Variants in PTPA observed in about 807,000 individuals in gnomAD.
The protein encoded by PTPA is serine/threonine-protein phosphatase 2A activator.
Under a neutral mutation model 43.6 loss-of-function variants are expected in PTPA, and 13 were observed. The observed-to-expected ratio is 0.30, with a 90% CI of 0.19 to 0.47. The LOEUF (loss-of-function observed/expected upper bound fraction) is 0.47. PTPA is among the 20% of genes least tolerant of loss of function. PTPA has a pLI of 0.99. For missense variants in PTPA, 329 were observed against 411.9 expected (o/e 0.80, Z 1.74); for synonymous variants, 172 against 158.2 (o/e 1.09, Z -0.66).
chr9:129,131,816 A>G (rs1322950423), intron 5 of PTPA, among the ~76,000 whole-genome samples, 177 bp downstream of exon 5: 1 of 152,188 alleles, frequency 6.6e-6, no homozygotes, highest in Admixed American at 6.5e-5. Context: ...GGGCGTAGGC[A>G]TGCAGGGAGG....
rs897073327 is a variant in PTPA at position 129,143,053 on chromosome 9, T to G, written c.894+501T>G. The G allele has an allele frequency of 1.4e-5, 11 of 789,476 alleles. No individual in the cohort carries two copies. In the African/African-American group the frequency reaches 1.9e-4, roughly 14 times the overall value. The allele number at this position is 789,476 out of a possible 1,614,324, so 48.9% of individuals were successfully genotyped here. On this transcript the variant is annotated intron_variant, in intron 9 of 9. Coordinates refer to ENST00000393370, the MANE Select transcript of PTPA (RefSeq NM_178000.3). ...GCATTTTTATGGACCGCTTCAGGGA[T>G]TTTGATGCAAATGGTTTTCCCTGCT...
intron 9 of PTPA, among the ~76,000 whole-genome samples, chr9:129,145,830 C>T (rs1254692459): frequency 6.6e-6 from 1 of 152,178 alleles, no homozygotes; most frequent in Non-Finnish European, 1.5e-5. Context: ...CTTGAATCAC[C>T]TCTGGCTGGA....
chr9:129,111,281 C>G (rs1848450712), upstream of PTPA: 19 of 1,210,482 alleles, frequency 1.6e-5, no homozygotes, highest in Non-Finnish European at 2.0e-5. Context: ...TTCGGGCGGC[C>G]GTGAGCGGTC....
chr9:129,134,160 G>A (rs900363714), intron 5 of PTPA, among the ~76,000 whole-genome samples: 3 of 152,172 alleles, frequency 2.0e-5, no homozygotes, highest in South Asian at 2.1e-4. Context: ...CTCCTAGTGC[G>A]TAACATGGAC....
intron 7 of PTPA, 75 bp from the exon 8 acceptor site, chr9:129,137,515 GGT>G (rs1441176357): frequency 6.8e-6 from 8 of 1,172,970 alleles, no homozygotes; most frequent in Non-Finnish European, 9.8e-6. Context: ...CCCCTGGGGG[GGT>G]GTGACTGCTG....
At position 129,134,815 on chromosome 9, in the gene PTPA, G is replaced by A. The variant is rs375298131; in HGVS notation, c.481G>A (p.Ala161Thr). The change falls in exon 6 of 10, where the codon GCT becomes ACT. Residue 161 changes from alanine (A) to threonine (T), a missense_variant. Ala to Thr is a moderately conservative substitution (Grantham distance 58). Transcript: ENST00000393370. ...YGTGHEAAFA[A>T]FLCCLCKIGV... ...TCCAGGGCATGAGGCAGCCTTCGCTGCTTTCCTCTGCTGTCTCTGCAAGAT... is the reference window on the plus strand; with the variant it reads ...TCCAGGGCATGAGGCAGCCTTCGCTACTTTCCTCTGCTGTCTCTGCAAGAT... 4.3e-6 allele frequency: 7 copies of A among 1,613,972 alleles called. No homozygotes were observed. The highest frequency in any genetic ancestry group is 1.3e-5 in the African/African-American group (1 of 74,936).
chr9:129,147,579 T>C lies in PTPA; in HGVS notation c.*115T>C, dbSNP rs946233916. 1.3e-5 allele frequency: 15 copies of C among 1,149,030 alleles called. No homozygotes were observed. The highest frequency in any genetic ancestry group is 6.1e-5 in the Admixed American group (3 of 49,520). The allele number at this position is 1,149,030 out of a possible 1,614,324, so 71.2% of individuals were successfully genotyped here. On this transcript the variant is annotated 3_prime_UTR_variant, in exon 10 of 10. Coordinates refer to ENST00000393370, the MANE Select transcript of PTPA (RefSeq NM_178000.3). ...GTTCGTCCCGTTTGATGAGAGGCTG[T>C]TTACTGGGGTGGGGTGGCGAGATGG... is the stretch of plus-strand genomic sequence containing the variant.
intron 1 of PTPA, among the ~76,000 whole-genome samples, chr9:129,112,831 CTA>C: frequency 6.6e-6 from 1 of 152,064 alleles, no homozygotes; most frequent in African/African-American, 2.4e-5. Context: ...ATCCCAACTA[CTA>C]GGGAGGATGA....
At chr9:129,142,956 A>G (rs1851001238) in intron 9 of PTPA, 7 of 1,406,372 alleles carry the variant, frequency 5.0e-6, no homozygotes, top group South Asian at 4.5e-5. Flanking sequence ...AGGCATCTCC[A>G]AAGTGCTGCC....
intron 3 of PTPA, among the ~76,000 whole-genome samples, chr9:129,124,212 T>A (rs765929232): frequency 5.0e-4 from 75 of 151,414 alleles, no homozygotes; most frequent in Non-Finnish European, 1.0e-3. Flanking sequence ...CTTATTTTAT[T>A]TTTTTTTTAA....
At chr9:129,144,687 T>C (rs1452015456) in intron 9 of PTPA, among the ~76,000 whole-genome samples, 1 of 143,118 alleles carries the variant, frequency 7.0e-6, no homozygotes, top group African/African-American at 2.6e-5. Context: ...TGCAGTGAGC[T>C]GAGATGGTGC....
Position 129,144,736 on chromosome 9 carries a change from C to G in PTPA, c.894+2184C>G, listed in dbSNP as rs1473424694. 4.6e-5 allele frequency among the ~76,000 whole-genome samples: 5 copies of G among 108,052 alleles called. No homozygotes were observed. The East Asian group carries it at 1.3e-3, about 29-fold the overall frequency. 70.9% of individuals were successfully genotyped at this position (108,052 alleles called of 152,430 possible). On this transcript the variant is annotated intron_variant, in intron 9 of 9. Coordinates refer to ENST00000393370, the MANE Select transcript of PTPA (RefSeq NM_178000.3). Reference sequence around the variant, plus strand: ...CCTGGGCGACAGAGCGAGACTCTCTCAAAAAAAAAAAAAAAAAAAGATCAC... The same window carrying G: ...CCTGGGCGACAGAGCGAGACTCTCTGAAAAAAAAAAAAAAAAAAAGATCAC...
chr9:129,113,312 G>A (rs1458372488), intron 1 of PTPA, among the ~76,000 whole-genome samples: 1 of 151,510 alleles, frequency 6.6e-6, no homozygotes, highest in Non-Finnish European at 1.5e-5. Flanking sequence ...GGCTGGTCTC[G>A]AACTCCTGAC....
In PTPA at chr9:129,138,820, AT is replaced by A. The variant is rs200071248; in HGVS notation, c.786+1134del. ...TCCAGAGGCCAGAGGGGAATGACAC[AT>A]TTTTTCCAAGTCAGCAAATGGAGCC... On this transcript the variant is annotated intron_variant, in intron 8 of 9. Transcript: ENST00000393370. Among the ~76,000 whole-genome samples the A allele has an allele frequency of 7.9e-3, 1,196 of 152,188 alleles. 4 individuals are homozygous for A. The highest frequency in any genetic ancestry group is 0.011 in the Admixed American group (166 of 15,308).
At chr9:129,111,178 T>C (rs978199156), upstream of PTPA, 298 of 1,142,848 alleles carry the variant, frequency 2.6e-4, no homozygotes, top group Non-Finnish European at 3.2e-4. Flanking sequence ...TGACAGGTGG[T>C]ACTCCGGGAC....
intron 3 of PTPA, among the ~76,000 whole-genome samples, chr9:129,124,406 G>A (rs1286932143): frequency 2.0e-5 from 3 of 152,056 alleles, no homozygotes; most frequent in Non-Finnish European, 4.4e-5. Flanking sequence ...ATTGCTCCTC[G>A]CATATCATTG....
chr9:129,113,041 C>T (rs1848646047), intron 1 of PTPA, among the ~76,000 whole-genome samples: 1 of 148,340 alleles, frequency 6.7e-6, no homozygotes, highest in Non-Finnish European at 1.5e-5. Flanking sequence ...CTAACACTAA[C>T]GATGGCTGAT....
intron 1 of PTPA, among the ~76,000 whole-genome samples, chr9:129,115,608 A>G (rs561078830): frequency 9.5e-4 from 143 of 151,142 alleles, no homozygotes; most frequent in African/African-American, 3.3e-3. Flanking sequence ...GATTGATGAT[A>G]GTCCTTTACT....
Position 129,137,672 on chromosome 9 carries a change from T to C in PTPA, c.766T>C (p.Cys256Arg). The C allele has an allele frequency of 6.2e-7, 1 of 1,609,088 alleles. No individual in the cohort carries two copies. Among genetic ancestry groups the C allele is most frequent in the Non-Finnish European group, 8.5e-7 (1 of 1,177,116 alleles). ...ENHKDYMFLE[C>R]ILFITEMKTG... ...CCACAAGGACTACATGTTCCTGGAG[T>C]GTATCCTGTTTATTACCGAGGTGAG... Residue 256 changes from cysteine (C) to arginine (R), a missense_variant, in exon 8 of 10, where the codon TGT becomes CGT. Cys to Arg is a radical substitution (Grantham distance 180). Coordinates refer to ENST00000393370, the MANE Select transcript of PTPA (RefSeq NM_178000.3).
Sources: allele counts gnomAD v4.1 joint callset (sites outside exome capture counted in the v4.1 genomes callset), GRCh38; gene constraint gnomAD v4.1.1; transcripts MANE v1.5; gene names NCBI Gene and HGNC (gene_info 2026-07-23, HGNC 2026-07-21).